PTCH1: variants seen among roughly 807,000 people sequenced by gnomAD.
PTCH1 encodes the protein patched 1.
In PTCH1, 14 loss-of-function variants were observed where a neutral mutation model predicts 144.6. The ratio of observed to expected loss-of-function variants is 0.10; its 90% CI spans 0.06 to 0.15. PTCH1 has a LOEUF of 0.15. PTCH1 is among the 10% of genes least tolerant of loss of function. The pLI is 1.00. For missense variants in PTCH1, 1,623 were observed against 1,948.3 expected (o/e 0.83, Z 3.14); for synonymous variants, 833 against 793.6 (o/e 1.05, Z -0.83).
Position 95,449,763 on chromosome 9 carries a change from G to A in PTCH1, c.3549+78C>T. 7.6e-7 allele frequency: 1 copy of A among 1,315,084 alleles called. No individual in the cohort carries two copies. Among genetic ancestry groups the A allele is most frequent in the Non-Finnish European group, 1.1e-6 (1 of 917,858 alleles). 81.5% of individuals were successfully genotyped at this position (1,315,084 alleles called of 1,614,324 possible). A position where few individuals can be genotyped will look rare whatever the true frequency, so the allele number is the denominator to read the frequency against. On this transcript the variant is annotated intron_variant, in intron 21 of 23. Transcript: ENST00000331920. This position sits in a 1 kb window ranked among gnomAD's most constrained non-coding sequence, Gnocchi z 5.3. ...CACCAGCAAGTGGGGAGGCACCTAA[G>A]TATCGAAGTGAAGAGCGGCACAGGA...
Position 95,508,683 on chromosome 9 carries a change from C to G in PTCH1, c.-322G>C, listed in dbSNP as rs532958471. 8.6e-5 allele frequency: 85 copies of G among 987,348 alleles called. No individual in the cohort carries two copies. The South Asian group carries it at 3.4e-3, about 40-fold the overall frequency. The allele number at this position is 987,348 out of a possible 1,614,324, so 61.2% of individuals were successfully genotyped here. A position where few individuals can be genotyped will look rare whatever the true frequency, so the allele number is the denominator to read the frequency against. ...GTTCGCGGAAGAGCGAGAGCCGGCG[C>G]GCCGAGCGAGCCTGTCCTTCGGGCG... On this transcript the variant is annotated 5_prime_UTR_variant, in exon 1 of 24. Coordinates refer to ENST00000331920, the MANE Select transcript of PTCH1 (RefSeq NM_000264.5).
chr9:95,490,430 G>A (rs572900112), intron 2 of PTCH1, among the ~76,000 whole-genome samples: 24 of 151,880 alleles, frequency 1.6e-4, no homozygotes, highest in East Asian at 7.8e-4. Flanking sequence ...GCAGTGCACT[G>A]TGACTGTGTC....
chr9:95,516,620 T>A, exon 1 of PTCH1: 1 of 1,608,508 alleles, frequency 6.2e-7, no homozygotes, highest in Non-Finnish European at 8.5e-7. Context: ...GTCTCCCCCT[T>A]GCCTTGTCGC....
chr9:95,497,570 C>T (rs1035770148), intron 2 of PTCH1, among the ~76,000 whole-genome samples: 5 of 152,160 alleles, frequency 3.3e-5, no homozygotes, highest in African/African-American at 9.7e-5. Context: ...GGGCTCTCTC[C>T]GCCTCGCTTC....
At chr9:95,489,310 G>C (rs1242481761) in intron 2 of PTCH1, among the ~76,000 whole-genome samples, 1 of 152,206 alleles carries the variant, frequency 6.6e-6, no homozygotes, top group African/African-American at 2.4e-5. Flanking sequence ...TTAGATGACT[G>C]AGATGAAGGT....
intron 19 of PTCH1, among the ~76,000 whole-genome samples, chr9:95,454,706 A>G (rs1162722310): frequency 7.9e-5 from 12 of 152,350 alleles, no homozygotes; most frequent in East Asian, 1.9e-4. Context: ...CAGCAAATGA[A>G]CGGGAACCCA....
Position 95,469,941 on chromosome 9 carries a change from G to GA in PTCH1, c.1729-11dup, listed in dbSNP as rs779000277. On this transcript the variant is annotated splice_polypyrimidine_tract_variant and intron_variant, in intron 12 of 23. Transcript: ENST00000331920. Reference sequence around the variant, plus strand: ...CCACTACTACCGCTGCCTGGGAGCAGAAAAAAAATTCAGAGGTCACCAACA... The same window carrying GA: ...CCACTACTACCGCTGCCTGGGAGCAGAAAAAAAAATTCAGAGGTCACCAACA... 5 of 1,606,264 alleles carry GA rather than the reference G, an allele frequency of 3.1e-6. No individual in the cohort carries two copies. Among genetic ancestry groups the GA allele is most frequent in the Non-Finnish European group, 3.4e-6 (4 of 1,173,098 alleles).
At chr9:95,501,103 T>C (rs999699425) in intron 2 of PTCH1, among the ~76,000 whole-genome samples, 8 of 152,230 alleles carry the variant, frequency 5.3e-5, no homozygotes, top group Non-Finnish European at 1.0e-4. Flanking sequence ...AACTCCATCA[T>C]AATAAACGTC....
rs2118549817 is a variant in PTCH1 at position 95,485,851 on chromosome 9, A to G, written c.418T>C (p.Leu140=). The change falls in exon 3 of 24, where the codon TTA becomes CTA. Residue 140 remains leucine (L), a synonymous_variant. Transcript: ENST00000331920. ...VEVGGRVSRE[L]NYTRQKIGEE... Reference sequence around the variant, plus strand: ...CCAATCTTCTGGCGAGTATAATTTAATTCACGACTTACTCGTCCTCCAACT... The same window carrying G: ...CCAATCTTCTGGCGAGTATAATTTAGTTCACGACTTACTCGTCCTCCAACT... 8 of 1,614,208 alleles carry G rather than the reference A, an allele frequency of 5.0e-6. No homozygotes were observed. The highest frequency in any genetic ancestry group is 6.8e-6 in the Non-Finnish European group (8 of 1,180,038).
chr9:95,447,367 G>A lies in PTCH1; in HGVS notation c.3889C>T (p.Arg1297Trp), dbSNP rs372027952. The A allele has an allele frequency of 4.3e-5, 69 of 1,613,118 alleles. No homozygotes were observed. The highest frequency in any genetic ancestry group is 1.6e-4 in the Middle Eastern group (1 of 6,066). Reference sequence around the variant, plus strand: ...TCCCTGCGGGGCTGCTGGCCTTGCCGTCCGGGAGGCAGGGACCCTGAGTCC... The same window carrying A: ...TCCCTGCGGGGCTGCTGGCCTTGCCATCCGGGAGGCAGGGACCCTGAGTCC... Reference protein sequence around the residue: ...HLDSGSLPPGRQGQQPRRDPP... With the variant: ...HLDSGSLPPGWQGQQPRRDPP... Residue 1297 changes from arginine (R) to tryptophan (W), a missense_variant, in exon 23 of 24, where the codon CGG becomes TGG. This residue lies in a region of PTCH1 where 291 missense variants were observed against 287.4 expected (regional missense o/e 1.01). Transcript: ENST00000331920.
chr9:95,511,878 T>A (rs1425765100), upstream of PTCH1, among the ~76,000 whole-genome samples: 1 of 152,234 alleles, frequency 6.6e-6, no homozygotes, highest in Non-Finnish European at 1.5e-5. Context: ...CATGTTAGCC[T>A]TTTTATATTT....
Position 95,458,569 on chromosome 9 carries a change from TG to T in PTCH1, c.2888-277del, listed in dbSNP as rs1225793824. Among the ~76,000 whole-genome samples the T allele has an allele frequency of 6.6e-6, 1 of 152,232 alleles. No homozygotes were observed. Among genetic ancestry groups the T allele is most frequent in the Non-Finnish European group, 1.5e-5 (1 of 68,036 alleles). Reference sequence around the variant, plus strand: ...GTCTAAAAACTCCAGGCTTACATTTTGGGAACATTTTTTTGTTCCCTTGACA... The same window carrying T: ...GTCTAAAAACTCCAGGCTTACATTTTGGAACATTTTTTTGTTCCCTTGACA... On this transcript the variant is annotated intron_variant, in intron 17 of 23. Coordinates refer to ENST00000331920, the MANE Select transcript of PTCH1 (RefSeq NM_000264.5). The surrounding 1 kb of genome is among the most constrained non-coding windows in gnomAD (Gnocchi z 4.7).
intron 2 of PTCH1, among the ~76,000 whole-genome samples, chr9:95,496,215 CCTGT>C (rs1227711402): frequency 1.3e-5 from 2 of 152,192 alleles, no homozygotes; most frequent in African/African-American, 2.4e-5. Flanking sequence ...ATGCTAATCA[CCTGT>C]CTAACTCGCT....
chr9:95,503,875 G>A (rs1471677860), intron 2 of PTCH1, among the ~76,000 whole-genome samples: 1 of 114,724 alleles, frequency 8.7e-6, no homozygotes, highest in Admixed American at 7.6e-5. Context: ...AATTAGCCGG[G>A]CGCGGTGGCG....
At position 95,482,599 on chromosome 9, in the gene PTCH1, T is replaced by C. The variant is rs183233544; in HGVS notation, c.585-396A>G. ...AGGTTTGCAAAGTATTGACACATAC[T>C]CAGGTGCGGAGATGTTTTACTGGCA... is the stretch of plus-strand genomic sequence containing the variant. On this transcript the variant is annotated intron_variant, in intron 3 of 23. Coordinates refer to ENST00000331920, the MANE Select transcript of PTCH1 (RefSeq NM_000264.5). 7.9e-5 allele frequency: 24 copies of C among 303,844 alleles called. No homozygotes were observed. In the Admixed American group the frequency reaches 1.2e-3, roughly 15 times the overall value. 18.8% of individuals were successfully genotyped at this position (303,844 alleles called of 1,614,324 possible).
intron 12 of PTCH1, among the ~76,000 whole-genome samples, chr9:95,472,835 T>C (rs1219467530): frequency 6.6e-6 from 1 of 152,116 alleles, no homozygotes; most frequent in Non-Finnish European, 1.5e-5. Context: ...TACACCAAAA[T>C]AGTAAAACAA....
chr9:95,444,235 C>T lies in PTCH1; in HGVS notation c.*2158G>A, dbSNP rs1231596666. On this transcript the variant is annotated 3_prime_UTR_variant, in exon 24 of 24. Coordinates refer to ENST00000331920, the MANE Select transcript of PTCH1 (RefSeq NM_000264.5). ...CCCGCCCACCCCAGTTCTCCCTTTG[C>T]CAATGTGACTATTGGAGAAAGTTCT... The T allele has an allele frequency of 2.9e-5, 4 of 136,834 alleles. No homozygotes were observed. The highest frequency in any genetic ancestry group is 6.3e-5 in the Non-Finnish European group (4 of 63,350). The allele number at this position is 136,834 out of a possible 1,614,324, so 8.5% of individuals were successfully genotyped here.
rs1839208544 is a variant in PTCH1 at position 95,458,950 on chromosome 9, T to G, written c.2887+650A>C. 6.6e-6 allele frequency among the ~76,000 whole-genome samples: 1 copy of G among 152,232 alleles called. No individual in the cohort carries two copies. The highest frequency in any genetic ancestry group is 6.5e-5 in the Admixed American group (1 of 15,280). On this transcript the variant is annotated intron_variant, in intron 17 of 23. Transcript: ENST00000331920. The surrounding 1 kb of genome is among the most constrained non-coding windows in gnomAD (Gnocchi z 4.7). ...GGCAGCACTGGATCCGGGGAAGCAC[T>G]ACTCGCTGAGTCTCCAGCCATGTTT...
chr9:95,497,272 T>C (rs186006636), intron 2 of PTCH1, among the ~76,000 whole-genome samples: 19 of 152,350 alleles, frequency 1.2e-4, no homozygotes, highest in Admixed American at 2.0e-4. Context: ...GTACTCCAAT[T>C]TCCTGTCATT....
Sources: allele counts gnomAD v4.1 joint callset (sites outside exome capture counted in the v4.1 genomes callset), GRCh38; gene constraint gnomAD v4.1.1; regional missense constraint gnomAD v4.1.1; non-coding constraint Gnocchi (gnomAD v3.1); transcripts MANE v1.5; gene names NCBI Gene and HGNC (gene_info 2026-07-23, HGNC 2026-07-21).